The following NIPA1 variants were observed in gnomAD, a reference collection of about 807,000 sequenced individuals.
The protein encoded by NIPA1 is magnesium transporter NIPA1.
Under a neutral mutation model 23.9 loss-of-function variants are expected in NIPA1, and 13 were observed. The ratio of observed to expected loss-of-function variants is 0.54; its 90% confidence interval spans 0.35 to 0.87. The LOEUF (loss-of-function observed/expected upper bound fraction) is 0.87, where lower values mean the gene tolerates loss of function less well. NIPA1 is among the 40% of genes least tolerant of loss of function. The pLI is 0.01. For synonymous variants in NIPA1, 234 were observed against 202.9 expected (o/e 1.15, Z -1.30); for missense variants, 362 against 429.7 (o/e 0.84, Z 1.39).
rs182780291 is a variant in NIPA1, at chr15:22,816,723, T to G, written c.318-3590T>G. On this transcript the variant is annotated intron_variant, in intron 3 of 4. Transcript: ENST00000337435. ...CTAGGCTAGTCTTGAACTCCTGACT[T>G]TAGGTGATCCACCCACTTTGGCCTC... Among the ~76,000 whole-genome samples the G allele has an allele frequency of 2.0e-3, 291 of 147,216 alleles. 3 individuals carry two copies. The highest frequency in any genetic ancestry group is 7.0e-3 in the African/African-American group (280 of 39,790).
intron 3 of NIPA1, among the ~76,000 whole-genome samples, chr15:22,815,786 G>A (rs1157563032): frequency 6.6e-6 from 1 of 152,138 alleles, no homozygotes; most frequent in Non-Finnish European, 1.5e-5. Context: ...GAAATGCAAA[G>A]TAGATTTAGC....
intron 3 of NIPA1, among the ~76,000 whole-genome samples, chr15:22,818,186 C>T (rs1895463829): frequency 6.6e-6 from 1 of 152,106 alleles, no homozygotes; most frequent in African/African-American, 2.4e-5. Context: ...CGCCTGTAAT[C>T]CCAGCACTTT....
intron 3 of NIPA1, among the ~76,000 whole-genome samples, chr15:22,818,577 C>G: frequency 6.6e-6 from 1 of 151,720 alleles, no homozygotes; most frequent in Middle Eastern, 3.4e-3. Flanking sequence ...GGGTGAATCA[C>G]TTGAGGTCAG....
rs1895591964 is a variant in NIPA1, at chr15:22,823,749, T to C, written c.500T>C (p.Ile167Thr). 1 of 1,610,524 alleles carries C rather than the reference T, an allele frequency of 6.2e-7. No homozygotes were observed. Among genetic ancestry groups the C allele is most frequent in the Non-Finnish European group, 8.5e-7 (1 of 1,179,348 alleles). ...TNPVFVGYLC[I>T]VLLMLLLLIF... ...CCAGTGTTTGTGGGCTACCTGTGCA[T>C]CGTGCTGCTCATGCTGCTGCTGCTC... Residue 167 changes from isoleucine to threonine, a missense_variant, in exon 5 of 5, where the codon ATC becomes ACC. Around this residue, in one of 2 missense-constraint regions of NIPA1, gnomAD observed 277 missense variants for 372.0 expected, o/e 0.74. Coordinates refer to ENST00000337435, the MANE Select transcript of NIPA1 (RefSeq NM_144599.5).
intron 3 of NIPA1, chr15:22,814,065 A>G (rs1214792701): frequency 1.6e-6 from 2 of 1,245,732 alleles, no homozygotes; most frequent in Non-Finnish European, 1.1e-6. Context: ...AGAAATGTTC[A>G]CTGCTCCACA....
chr15:22,811,767 A>G (rs1458225883), intron 2 of NIPA1, among the ~76,000 whole-genome samples: 1 of 152,176 alleles, frequency 6.6e-6, no homozygotes, highest in Non-Finnish European at 1.5e-5. Flanking sequence ...TCCTCTTGCT[A>G]TGCCAGTGGC....
At chr15:22,816,088 C>T (rs1368970347) in intron 3 of NIPA1, among the ~76,000 whole-genome samples, 9 of 151,710 alleles carry the variant, frequency 5.9e-5, no homozygotes, top group South Asian at 2.1e-4. Flanking sequence ...GATGTTATAG[C>T]CACAGCAATT....
chr15:22,797,516 T>C (rs1204321407), intron 1 of NIPA1, among the ~76,000 whole-genome samples: 1 of 148,612 alleles, frequency 6.7e-6, no homozygotes. Flanking sequence ...CTGGCTTTTT[T>C]TTTTTTTTGA....
chr15:22,791,475 CTTTTTTT>C (rs11428709), intron 1 of NIPA1, among the ~76,000 whole-genome samples: 1 of 18,072 alleles, frequency 5.5e-5, no homozygotes, highest in African/African-American at 1.8e-4. Flanking sequence ...TCCTCTTTCA[CTTTTTTT>C]TTTTTTTTTT....
At position 22,820,313 on chromosome 15, in the gene NIPA1, G is replaced by A. The variant is rs1241721350; in HGVS notation, c.318G>A (p.Gly106=). 8 of 1,604,802 alleles carry A rather than the reference G, an allele frequency of 5.0e-6. No homozygotes were observed. Among genetic ancestry groups the A allele is most frequent in the Non-Finnish European group, 6.8e-6 (8 of 1,172,104 alleles). ...AATGATTTCTCTTTTTTCAATAAAG[G>A]TCCATTTTAGCTTCCTATCTCCTGA... The part of the protein sequence containing the change: ...TPLGALGVPF[G]SILASYLLKE... Residue 106 remains glycine (G), a splice_region_variant and synonymous_variant, in exon 4 of 5, where the codon GGG becomes GGA. Coordinates refer to ENST00000337435, the MANE Select transcript of NIPA1 (RefSeq NM_144599.5).
chr15:22,829,770 A>G lies in NIPA1; in HGVS notation c.*5531A>G, dbSNP rs1254143393. On this transcript the variant is annotated 3_prime_UTR_variant, in exon 5 of 5. Coordinates refer to ENST00000337435, the MANE Select transcript of NIPA1 (RefSeq NM_144599.5). ...TAATCTGTATGTGTTTTAAAATAAAATAACTTATTTCTAGCTGAACATTTG... is the reference window on the plus strand; with the variant it reads ...TAATCTGTATGTGTTTTAAAATAAAGTAACTTATTTCTAGCTGAACATTTG... 1 of 152,212 alleles carries G rather than the reference A, an allele frequency of 6.6e-6. No individual in the cohort carries two copies. Among genetic ancestry groups the G allele is most frequent in the African/African-American group, 2.4e-5 (1 of 41,452 alleles). 9.4% of individuals were successfully genotyped at this position (152,212 alleles called of 1,614,324 possible). A position where few individuals can be genotyped will look rare whatever the true frequency, so the allele number is the denominator to read the frequency against.
chr15:22,799,188 C>T (rs563721922), intron 1 of NIPA1, among the ~76,000 whole-genome samples: 9 of 152,132 alleles, frequency 5.9e-5, no homozygotes, highest in Admixed American at 2.6e-4. Context: ...AAGTGTTCAC[C>T]GACAGTTGAC....
At chr15:22,811,934 G>A (rs1389734785) in intron 2 of NIPA1, among the ~76,000 whole-genome samples, 3 of 152,216 alleles carry the variant, frequency 2.0e-5, no homozygotes, top group African/African-American at 7.2e-5. Flanking sequence ...GTTAGGTTCG[G>A]CATTTCCATG....
chr15:22,791,548 A>G (rs1204486263), intron 1 of NIPA1, among the ~76,000 whole-genome samples: 1 of 123,396 alleles, frequency 8.1e-6, no homozygotes, highest in Non-Finnish European at 1.6e-5. Flanking sequence ...CAGTGGTGCC[A>G]TCTCGGCTCA....
chr15:22,822,401 C>T lies in NIPA1; in HGVS notation c.479-1327C>T, dbSNP rs532375145. Among the ~76,000 whole-genome samples the T allele has an allele frequency of 2.6e-5, 4 of 152,196 alleles. No homozygotes were observed. In the East Asian group the frequency reaches 7.7e-4, roughly 29 times the overall value. On this transcript the variant is annotated intron_variant, in intron 4 of 4. Transcript: ENST00000337435. ...GCCTCTGCCCACTGGATGCAGCCCC[C>T]AATCATTGCAAAACCCACAAACACC...
At chr15:22,803,664 G>A (rs1176777823) in intron 1 of NIPA1, among the ~76,000 whole-genome samples, 15 of 138,834 alleles carry the variant, frequency 1.1e-4, no homozygotes, top group Non-Finnish European at 2.2e-4. Flanking sequence ...ACCTGCTACC[G>A]GGCCCGGCTA....
chr15:22,813,803 A>G (rs1895363838), intron 3 of NIPA1: 1 of 414,656 alleles, frequency 2.4e-6, no homozygotes, highest in Middle Eastern at 3.5e-4. Flanking sequence ...ATACACTGCT[A>G]TCATGTGTGG....
chr15:22,797,165 G>A (rs1595632410), intron 1 of NIPA1, among the ~76,000 whole-genome samples: 1 of 149,038 alleles, frequency 6.7e-6, no homozygotes, highest in Non-Finnish European at 1.5e-5. Flanking sequence ...TCAGCCTCCC[G>A]AGTAGCTGGG....
rs780013066 is a variant in NIPA1 at position 22,827,489 on chromosome 15, C to T, written c.*3250C>T. On this transcript the variant is annotated 3_prime_UTR_variant, in exon 5 of 5. Coordinates refer to ENST00000337435, the MANE Select transcript of NIPA1 (RefSeq NM_144599.5). Reference sequence around the variant, plus strand: ...GGGAGGAATTTGGTATTCTGGTGGCCTTGCTCAGCTCTCATTGAGATCTTT... The same window carrying T: ...GGGAGGAATTTGGTATTCTGGTGGCTTTGCTCAGCTCTCATTGAGATCTTT... 1.3e-5 allele frequency: 2 copies of T among 152,216 alleles called. No individual in the cohort carries two copies. Among genetic ancestry groups the T allele is most frequent in the African/African-American group, 4.8e-5 (2 of 41,442 alleles). The allele number at this position is 152,216 out of a possible 1,614,324, so 9.4% of individuals were successfully genotyped here. A position where few individuals can be genotyped will look rare whatever the true frequency, so the allele number is the denominator to read the frequency against.
Sources: allele counts gnomAD v4.1 joint callset (sites outside exome capture counted in the v4.1 genomes callset), GRCh38; gene constraint gnomAD v4.1.1; regional missense constraint gnomAD v4.1.1; transcripts MANE v1.5; gene names NCBI Gene and HGNC (gene_info 2026-07-23, HGNC 2026-07-21).